CDC42SE1: variants seen among roughly 807,000 people sequenced by gnomAD.
The protein encoded by CDC42SE1 is CDC42 small effector protein 1.
CDC42SE1 carries 10 observed loss-of-function variants against 10.9 expected under a neutral mutation model. The observed-to-expected ratio is 0.92, with a 90% CI of 0.57 to 1.56. The LOEUF is 1.56. Among genes scored for constraint, CDC42SE1 ranks in the 40% most tolerant of loss-of-function variants. The pLI is 0.00. For synonymous variants in CDC42SE1, 24 were observed against 32.0 expected (o/e 0.75, Z 0.85); for missense variants, 81 against 100.8 (o/e 0.80, Z 0.84).
At position 151,054,339 on chromosome 1, in the gene CDC42SE1, C is replaced by T. The variant is rs2902810; in HGVS notation, c.166-18G>A. The T allele has an allele frequency of 0.8, 1,279,248 of 1,601,988 alleles. 512,125 individuals carry two copies. Among genetic ancestry groups the T allele is most frequent in the East Asian group, 0.91 (40,990 of 44,822 alleles). On this transcript the variant is annotated intron_variant, in intron 3 of 4. Coordinates refer to ENST00000357235, the MANE Select transcript of CDC42SE1 (RefSeq NM_020239.4). ...GCACCTGTCTGTAAAAAAACAGATG[C>T]GAGACACCTTCGTAAGTCTTCATAT...
At chr1:151,055,196 G>A in intron 2 of CDC42SE1, 70 bp from the exon 3 acceptor site, 2 of 1,186,892 alleles carry the variant, frequency 1.7e-6, no homozygotes, top group Non-Finnish European at 1.3e-6. Context: ...AGGGAAAAGA[G>A]TCTTCAAAAC....
At chr1:151,053,485 A>G (rs1034273756) in intron 4 of CDC42SE1, among the ~76,000 whole-genome samples, 158 bp from the exon 5 acceptor site, 3 of 151,132 alleles carry the variant, frequency 2.0e-5, no homozygotes, top group South Asian at 4.2e-4. Context: ...TATATCCTAC[A>G]TTCTTTTTTT....
Position 151,055,792 on chromosome 1 carries a change from G to C in CDC42SE1, c.-62C>G. The C allele has an allele frequency of 7.1e-7, 1 of 1,406,960 alleles. No individual in the cohort carries two copies. Among genetic ancestry groups the C allele is most frequent in the Non-Finnish European group, 1.0e-6 (1 of 1,001,348 alleles). 87.2% of individuals were successfully genotyped at this position (1,406,960 alleles called of 1,614,324 possible). On this transcript the variant is annotated 5_prime_UTR_variant, in exon 2 of 5. Transcript: ENST00000357235. ...GGCCCCAAAGGGCTCTTTCCCTGGT[G>C]TTTGGACAACCCACTCCTCACTCTC...
chr1:151,055,512 TC>T (rs1676262364), intron 2 of CDC42SE1, 164 bp downstream of exon 2: 1 of 663,860 alleles, frequency 1.5e-6, no homozygotes, highest in Non-Finnish European at 2.8e-6. Context: ...CATCACCCAG[TC>T]CCCTTTGTTC....
In CDC42SE1 at chr1:151,054,281, CG is replaced by C; in HGVS notation, c.205del (p.Arg69GlufsTer22). On this transcript the variant is annotated frameshift_variant, in exon 4 of 5. Transcript: ENST00000357235. LOFTEE classifies it high-confidence loss of function. ...VQEQMRSKGN[R>X]DRPWSNSRGL ...CCTAGAATTGCTCCATGGCCTATCT[CG>C]GTTTCCCTTGGATCTCATCTGCTCC... The C allele has an allele frequency of 1.2e-6, 2 of 1,613,888 alleles. No homozygotes were observed. Among genetic ancestry groups the C allele is most frequent in the Non-Finnish European group, 1.7e-6 (2 of 1,179,892 alleles).
chr1:151,051,985 T>G lies in CDC42SE1; in HGVS notation c.*1359A>C, dbSNP rs1043203356. Reference sequence around the variant, plus strand: ...ACTGAATAAAGAATTGTTTGGAGATTATGTGCAGCCCTACTGAGCCTCATT... The same window carrying G: ...ACTGAATAAAGAATTGTTTGGAGATGATGTGCAGCCCTACTGAGCCTCATT... On this transcript the variant is annotated 3_prime_UTR_variant, in exon 5 of 5. Transcript: ENST00000357235. 2.6e-5 allele frequency: 4 copies of G among 152,350 alleles called. No individual in the cohort carries two copies. The highest frequency in any genetic ancestry group is 4.8e-5 in the African/African-American group (2 of 41,410). 9.4% of individuals were successfully genotyped at this position (152,350 alleles called of 1,614,324 possible).
Position 151,055,988 on chromosome 1 carries a change from G to T in CDC42SE1, c.-258C>A. On this transcript the variant is annotated 5_prime_UTR_variant, in exon 2 of 5. Coordinates refer to ENST00000357235, the MANE Select transcript of CDC42SE1 (RefSeq NM_020239.4). Reference sequence around the variant, plus strand: ...ACAAGGTTATGTCTTCCTCAGACTCGGAACCCTGGATTAGAAGAAAGTAAA... The same window carrying T: ...ACAAGGTTATGTCTTCCTCAGACTCTGAACCCTGGATTAGAAGAAAGTAAA... 1 of 539,010 alleles carries T rather than the reference G, an allele frequency of 1.9e-6. No individual in the cohort carries two copies. Among genetic ancestry groups the T allele is most frequent in the Non-Finnish European group, 3.3e-6 (1 of 299,764 alleles). The allele number at this position is 539,010 out of a possible 1,614,324, so 33.4% of individuals were successfully genotyped here. A position where few individuals can be genotyped will look rare whatever the true frequency, so the allele number is the denominator to read the frequency against.
chr1:151,057,002 C>T lies in CDC42SE1; in HGVS notation c.-263-1009G>A, dbSNP rs1249841880. On this transcript the variant is annotated intron_variant, in intron 1 of 4. Coordinates refer to ENST00000357235, the MANE Select transcript of CDC42SE1 (RefSeq NM_020239.4). This position sits in a 1 kb window ranked among gnomAD's most constrained non-coding sequence, Gnocchi z 4.0. ...AGACATAAGGAACTTTCCAATAGTACTAGTGTCCAAGGAAGAACTTCCTCC... is the reference window on the plus strand; with the variant it reads ...AGACATAAGGAACTTTCCAATAGTATTAGTGTCCAAGGAAGAACTTCCTCC... Among the ~76,000 whole-genome samples the T allele has an allele frequency of 1.3e-5, 2 of 152,088 alleles. No individual in the cohort carries two copies. The highest frequency in any genetic ancestry group is 2.9e-5 in the Non-Finnish European group (2 of 68,026).
At chr1:151,054,921 T>C (rs1676252017) in intron 3 of CDC42SE1, 95 bp downstream of exon 3, 1 of 902,692 alleles carries the variant, frequency 1.1e-6, no homozygotes, top group Non-Finnish European at 1.8e-6. Flanking sequence ...ACTTCCCCAT[T>C]GAGTATTTTC....
intron 3 of CDC42SE1, among the ~76,000 whole-genome samples, chr1:151,054,557 A>G (rs955533373): frequency 2.0e-5 from 3 of 152,130 alleles, no homozygotes; most frequent in Non-Finnish European, 2.9e-5. Flanking sequence ...TCTCCCCTAT[A>G]TATCTGAGTT....
Position 151,051,393 on chromosome 1 carries a change from GAAAAAAAAAAAAAAAAAA to G in CDC42SE1, c.*1933_*1950del, listed in dbSNP as rs71702880. ...AATGGCAGAAAATACATGGAAATTT[GAAAAAAAAAAAAAAAAAA>G]AAAAAAAAAGAACCTCAGTCACTGT... On this transcript the variant is annotated 3_prime_UTR_variant, in exon 5 of 5. Transcript: ENST00000357235. The G allele has an allele frequency of 1.2e-4, 4 of 34,100 alleles. No homozygotes were observed. In the South Asian group the frequency reaches 5.8e-3, roughly 50 times the overall value. The allele number at this position is 34,100 out of a possible 1,614,324, so 2.1% of individuals were successfully genotyped here.
At chr1:151,055,209 C>T in intron 2 of CDC42SE1, 83 bp from the exon 3 acceptor site, 2 of 1,027,620 alleles carry the variant, frequency 1.9e-6, no homozygotes, top group South Asian at 2.6e-5. Flanking sequence ...TTCAAAACCA[C>T]TGAAAAGCTA....
intron 1 of CDC42SE1, chr1:151,056,734 G>C (rs890635658): frequency 3.3e-5 from 5 of 152,308 alleles, no homozygotes; most frequent in Admixed American, 1.3e-4. Flanking sequence ...GTACACCTCT[G>C]TTTGCACATG....
At chr1:151,058,561 G>A (rs1265389704) in intron 1 of CDC42SE1, 6 of 152,274 alleles carry the variant, frequency 3.9e-5, no homozygotes, top group African/African-American at 1.4e-4. Context: ...GGAGGGATGA[G>A]GATTAGACCT....
intron 1 of CDC42SE1, chr1:151,058,539 G>A (rs1240311989): frequency 6.6e-6 from 1 of 152,342 alleles, no homozygotes. Flanking sequence ...GGAAGGGGCT[G>A]AGAAAACAAC....
At chr1:151,056,539 T>C (rs1421550826) in intron 1 of CDC42SE1, 1 of 152,140 alleles carries the variant, frequency 6.6e-6, no homozygotes, top group African/African-American at 2.4e-5. Flanking sequence ...AGGAAAGACT[T>C]TCTACAATAA....
At chr1:151,055,641 G>A (rs1676263963) in intron 2 of CDC42SE1, 36 bp downstream of exon 2, 1 of 1,567,534 alleles carries the variant, frequency 6.4e-7, no homozygotes, top group African/African-American at 1.4e-5. Flanking sequence ...GTAACTGACT[G>A]CTCTTTGGGT....
At chr1:151,054,195 G>T in intron 4 of CDC42SE1, 36 bp downstream of exon 4, 2 of 1,300,092 alleles carry the variant, frequency 1.5e-6, no homozygotes, top group Non-Finnish European at 1.1e-6. Flanking sequence ...CTGTTATGGG[G>T]GCTGAGGTGT....
rs988741214 is a variant in CDC42SE1 at position 151,051,183 on chromosome 1, G to A, written c.*2161C>T. ...GTATTAGAATGAGGCCGAAGATCAC[G>A]GTGACCAGAGATTTCTAGGAGTCTC... On this transcript the variant is annotated 3_prime_UTR_variant, in exon 5 of 5. Coordinates refer to ENST00000357235, the MANE Select transcript of CDC42SE1 (RefSeq NM_020239.4). 2.0e-5 allele frequency: 3 copies of A among 151,608 alleles called. No individual in the cohort carries two copies. Among genetic ancestry groups the A allele is most frequent in the Non-Finnish European group, 2.9e-5 (2 of 67,944 alleles). The allele number at this position is 151,608 out of a possible 1,614,324, so 9.4% of individuals were successfully genotyped here.
Sources: allele counts gnomAD v4.1 joint callset (sites outside exome capture counted in the v4.1 genomes callset), GRCh38; gene constraint gnomAD v4.1.1; non-coding constraint Gnocchi (gnomAD v3.1); transcripts MANE v1.5; gene names NCBI Gene and HGNC (gene_info 2026-07-23, HGNC 2026-07-21).